MCC: variants seen among roughly 807,000 people sequenced by gnomAD.
The protein encoded by MCC is MCC regulator of Wnt signaling pathway.
A neutral mutation model predicts 116.2 loss-of-function variants in MCC; 90 were observed. The ratio of observed to expected loss-of-function variants is 0.77; its 90% confidence interval spans 0.65 to 0.92. MCC has a LOEUF of 0.92. MCC is among the 40% of genes least tolerant of loss of function. The pLI is 0.00. For missense variants in MCC, 1,516 were observed against 1,312.2 expected (o/e 1.16, Z -2.40); for synonymous variants, 578 against 510.5 (o/e 1.13, Z -1.78).
At chr5:113,283,595 A>G (rs1231157410) in intron 3 of MCC, among the ~76,000 whole-genome samples, 1 of 152,142 alleles carries the variant, frequency 6.6e-6, no homozygotes, top group African/African-American at 2.4e-5. Flanking sequence ...GGCTTGACCA[A>G]TCACTCCCTG....
intron 1 of MCC, among the ~76,000 whole-genome samples, chr5:113,484,117 G>C (rs545217666): frequency 1.3e-5 from 2 of 152,090 alleles, no homozygotes; most frequent in Non-Finnish European, 2.9e-5. Flanking sequence ...CCCATAACTA[G>C]TCGGCACTAG....
chr5:113,291,092 G>C (rs952116815), intron 3 of MCC, among the ~76,000 whole-genome samples: 1 of 152,200 alleles, frequency 6.6e-6, no homozygotes, highest in Admixed American at 6.5e-5. Context: ...ACTATCTGCT[G>C]TAATCAACTC....
chr5:113,086,823 C>G (rs1448298286), intron 8 of MCC, among the ~76,000 whole-genome samples: 1 of 152,206 alleles, frequency 6.6e-6, no homozygotes, highest in East Asian at 1.9e-4. Context: ...ACAGGGCTTT[C>G]TAAACAGAAT....
Position 113,026,674 on chromosome 5 carries a change from G to A in MCC, c.*628C>T, listed in dbSNP as rs1339974499. The A allele has an allele frequency of 6.6e-6, 1 of 152,232 alleles. No homozygotes were observed. The highest frequency in any genetic ancestry group is 1.5e-5 in the Non-Finnish European group (1 of 68,092). 9.4% of individuals were successfully genotyped at this position (152,232 alleles called of 1,614,324 possible). A position where few individuals can be genotyped will look rare whatever the true frequency, so the allele number is the denominator to read the frequency against. On this transcript the variant is annotated 3_prime_UTR_variant, in exon 19 of 19. Transcript: ENST00000408903. ...GCACAGTCCTGGTGGTGGTCTGTTTGTAACTTTAGTGTATCTGGGACTGTA... is the reference window on the plus strand; with the variant it reads ...GCACAGTCCTGGTGGTGGTCTGTTTATAACTTTAGTGTATCTGGGACTGTA...
intron 3 of MCC, among the ~76,000 whole-genome samples, chr5:113,296,215 C>G (rs189142490): frequency 4.6e-5 from 7 of 152,082 alleles, no homozygotes; most frequent in Non-Finnish European, 1.5e-5. Context: ...TCATTGAAAT[C>G]TGTTGAAAAC....
intron 14 of MCC, among the ~76,000 whole-genome samples, chr5:113,062,781 C>T (rs1200615476): frequency 1.3e-5 from 2 of 152,208 alleles, no homozygotes; most frequent in Non-Finnish European, 2.9e-5. Flanking sequence ...CATTACTGGG[C>T]ATGTTCCCTC....
chr5:113,416,821 A>G (rs1440102814), intron 1 of MCC, among the ~76,000 whole-genome samples: 1 of 152,228 alleles, frequency 6.6e-6, no homozygotes, highest in East Asian at 1.9e-4. Flanking sequence ...ATTTTATTTT[A>G]CATTTTTGAC....
At chr5:113,351,255 A>G (rs1181499629) in intron 2 of MCC, among the ~76,000 whole-genome samples, 4 of 152,302 alleles carry the variant, frequency 2.6e-5, no homozygotes, top group African/African-American at 7.2e-5. Context: ...TTGCAGCACT[A>G]TTCACAATAA....
intron 3 of MCC, among the ~76,000 whole-genome samples, chr5:113,237,306 G>A (rs964538442): frequency 6.6e-6 from 1 of 152,118 alleles, no homozygotes; most frequent in African/African-American, 2.4e-5. Context: ...GGGCCATTAT[G>A]CTTAAAGCTA....
intron 3 of MCC, among the ~76,000 whole-genome samples, chr5:113,161,713 T>C (rs959037578): frequency 1.5e-4 from 22 of 151,620 alleles, no homozygotes; most frequent in African/African-American, 5.3e-4. Context: ...TACCAACATA[T>C]ACACATACAG....
intron 14 of MCC, among the ~76,000 whole-genome samples, chr5:113,057,583 G>T (rs935589955): frequency 5.9e-5 from 9 of 152,340 alleles, no homozygotes; most frequent in Non-Finnish European, 1.3e-4. Context: ...CAGCTCAAGG[G>T]AACTGCAAAG....
At chr5:113,197,633 C>A (rs1443696) in intron 3 of MCC, among the ~76,000 whole-genome samples, 148,834 of 152,304 alleles carry the variant, frequency 0.98, 72,834 homozygotes, top group East Asian at 1. Flanking sequence ...ACAACAACTA[C>A]TGATGGCATC....
rs1263982040 is a variant in MCC at position 113,286,493 on chromosome 5, A to G, written c.627+54026T>C. ...GTTCTCAAATAATCACACACCATAGATTTTGGTTTAAGATGCATTTCCACC... is the reference window on the plus strand; with the variant it reads ...GTTCTCAAATAATCACACACCATAGGTTTTGGTTTAAGATGCATTTCCACC... On this transcript the variant is annotated intron_variant, in intron 3 of 18. Coordinates refer to ENST00000408903, the MANE Select transcript of MCC (RefSeq NM_001085377.2). Among the ~76,000 whole-genome samples the G allele has an allele frequency of 1.3e-5, 2 of 152,166 alleles. 1 individual carries two copies. The highest frequency in any genetic ancestry group is 2.9e-5 in the Non-Finnish European group (2 of 68,028).
intron 3 of MCC, among the ~76,000 whole-genome samples, chr5:113,190,274 G>A (rs1415719011): frequency 6.6e-6 from 1 of 152,174 alleles, no homozygotes; most frequent in Non-Finnish European, 1.5e-5. Flanking sequence ...GCTCTAACAA[G>A]CCACTTGATC....
At chr5:113,266,238 T>TAC (rs58228493) in intron 3 of MCC, among the ~76,000 whole-genome samples, 23,146 of 148,996 alleles carry the variant, frequency 0.16, 2,464 homozygotes, top group Admixed American at 0.28. Flanking sequence ...TCACCCCTTC[T>TAC]ACACACACAC....
chr5:113,259,300 C>T (rs974916560), intron 3 of MCC, among the ~76,000 whole-genome samples: 2 of 152,016 alleles, frequency 1.3e-5, no homozygotes, highest in African/African-American at 4.8e-5. Context: ...TTCAAACAGT[C>T]AAAAAATGAA....
chr5:113,239,061 C>T (rs1764261541), intron 3 of MCC, among the ~76,000 whole-genome samples: 1 of 151,792 alleles, frequency 6.6e-6, no homozygotes, highest in Non-Finnish European at 1.5e-5. Context: ...TTTATTTCTG[C>T]TTTTTAGGAT....
intron 2 of MCC, among the ~76,000 whole-genome samples, chr5:113,359,306 A>G (rs1768490716): frequency 6.6e-6 from 1 of 152,220 alleles, no homozygotes; most frequent in Non-Finnish European, 1.5e-5. Context: ...AGAAATGAGG[A>G]AATTTTTCTT....
intron 3 of MCC, among the ~76,000 whole-genome samples, chr5:113,292,770 C>T (rs1766556296): frequency 6.6e-6 from 1 of 152,182 alleles, no homozygotes; most frequent in Non-Finnish European, 1.5e-5. Flanking sequence ...TGCATAGAAA[C>T]ATCGTGAAGG....
Sources: allele counts gnomAD v4.1 joint callset (sites outside exome capture counted in the v4.1 genomes callset), GRCh38; gene constraint gnomAD v4.1.1; transcripts MANE v1.5; gene names NCBI Gene and HGNC (gene_info 2026-07-23, HGNC 2026-07-21).